Variants in MAPK8IP1 observed in about 807,000 individuals in gnomAD.
MAPK8IP1 encodes mitogen-activated protein kinase 8 interacting protein 1, also known as C-Jun-amino-terminal kinase-interacting protein 1.
A neutral mutation model predicts 72.6 loss-of-function variants in MAPK8IP1; 17 were observed. That is an observed-to-expected ratio of 0.23 (90% CI 0.16 to 0.35). The LOEUF is 0.35. Ranked by LOEUF, MAPK8IP1 falls within the 10% of genes least tolerant of loss-of-function variation. The probability of loss-of-function intolerance (pLI) is 1.00; values close to 1 mark genes in which losing one functional copy is unlikely to be tolerated. For missense variants in MAPK8IP1, 789 were observed against 1,009.7 expected (o/e 0.78, Z 2.96); for synonymous variants, 401 against 443.4 (o/e 0.90, Z 1.20).
chr11:45,904,634 G>A lies in MAPK8IP1; in HGVS notation c.1776+70G>A, dbSNP rs906454932. ...GGCAGAGGGACGCAGGTGTCTAGAG[G>A]CAGTAAAGGGCTCAGGCCCTGGGAC... On this transcript the variant is annotated intron_variant, in intron 8 of 11. Transcript: ENST00000241014. This position sits in a 1 kb window ranked among gnomAD's most constrained non-coding sequence, Gnocchi z 6.4. The A allele has an allele frequency of 5.7e-6, 9 of 1,592,430 alleles. No homozygotes were observed. The highest frequency in any genetic ancestry group is 6.9e-6 in the Non-Finnish European group (8 of 1,160,726).
In MAPK8IP1 at chr11:45,902,532, G is replaced by A. The variant is rs762356637; in HGVS notation, c.765G>A (p.Pro255=). ...CTCCGGGTGGTCCCCCTGCTGCCCCGCCTGGGGGTCGGGGCCACTCGCATC... is the reference window on the plus strand; with the variant it reads ...CTCCGGGTGGTCCCCCTGCTGCCCCACCTGGGGGTCGGGGCCACTCGCATC... ...MAPPGGPPAA[P]PGGRGHSHRD... is the part of the protein sequence containing the mutation. Residue 255 remains proline, a synonymous_variant, in exon 5 of 12, where the codon CCG becomes CCA. Transcript: ENST00000241014. This position sits in a 1 kb window ranked among gnomAD's most constrained non-coding sequence, Gnocchi z 9.3. The A allele has an allele frequency of 8.7e-6, 14 of 1,611,342 alleles. No homozygotes were observed. The highest frequency in any genetic ancestry group is 3.3e-5 in the South Asian group (3 of 90,886).
In MAPK8IP1 at chr11:45,902,902, G is replaced by C. The variant is rs1302152290; in HGVS notation, c.1135G>C (p.Val379Leu). The C allele has an allele frequency of 6.2e-7, 1 of 1,607,724 alleles. No individual in the cohort carries two copies. Among genetic ancestry groups the C allele is most frequent in the Non-Finnish European group, 8.5e-7 (1 of 1,177,564 alleles). ...SDTSALSYDS[V>L]KYTLVVDEHA... ...CACCAGCGCCCTGTCCTATGACTCT[G>C]TCAAGTACACGCTGGTGGTAGATGA... The change falls in exon 5 of 12, where the codon GTC becomes CTC. Residue 379 changes from valine to leucine, a missense_variant. Physicochemically the swap from Val to Leu is conservative, Grantham distance 32. Transcript: ENST00000241014. This position sits in a 1 kb window ranked among gnomAD's most constrained non-coding sequence, Gnocchi z 9.3.
chr11:45,900,419 G>T lies in MAPK8IP1; in HGVS notation c.489G>T (p.Thr163=). The part of the protein sequence containing the change: ...GDTYRPKRPT[T]LNLFPQVPRS... ...CGTACCGGCCCAAGCGGCCCACCAC[G>T]CTCAACCTCTTTCCGCAGGTGCCGC... Residue 163 remains threonine, a synonymous_variant, in exon 3 of 12, where the codon ACG becomes ACT. Coordinates refer to ENST00000241014, the MANE Select transcript of MAPK8IP1 (RefSeq NM_005456.4). The surrounding 1 kb of genome is among the most constrained non-coding windows in gnomAD (Gnocchi z 6.5). 1.3e-6 allele frequency: 2 copies of T among 1,531,894 alleles called. No individual in the cohort carries two copies. Among genetic ancestry groups the T allele is most frequent in the Non-Finnish European group, 1.7e-6 (2 of 1,145,362 alleles). 94.9% of individuals were successfully genotyped at this position (1,531,894 alleles called of 1,614,324 possible).
rs992426248 is a variant in MAPK8IP1 at position 45,885,680 on chromosome 11, C to G, written c.-141C>G. The G allele has an allele frequency of 3.7e-5, 14 of 375,018 alleles. No individual in the cohort carries two copies. Among genetic ancestry groups the G allele is most frequent in the Non-Finnish European group, 5.1e-5 (11 of 217,482 alleles). 23.2% of individuals were successfully genotyped at this position (375,018 alleles called of 1,614,324 possible). On this transcript the variant is annotated 5_prime_UTR_variant, in exon 1 of 12. Coordinates refer to ENST00000241014, the MANE Select transcript of MAPK8IP1 (RefSeq NM_005456.4). ...CCGCGGGCCGTGCGCGGTGCTGTGC[C>G]GCGCCCTGCCAGACACAGGTGCGCC... is the stretch of plus-strand genomic sequence containing the variant.
chr11:45,901,787 G>A (rs554807851), intron 3 of MAPK8IP1, 193 bp from the exon 4 acceptor site: 11 of 714,214 alleles, frequency 1.5e-5, no homozygotes, highest in Non-Finnish European at 2.6e-5. Context: ...ATCCAGAGCC[G>A]GCAAGCCTGG....
At chr11:45,889,834 G>A (rs1429515332) in intron 1 of MAPK8IP1, among the ~76,000 whole-genome samples, 2 of 152,154 alleles carry the variant, frequency 1.3e-5, no homozygotes, top group South Asian at 2.1e-4. Context: ...TGGGGCCACC[G>A]AGAGGCTTCT....
rs1263674325 is a variant in MAPK8IP1 at position 45,903,748 on chromosome 11, A to G, written c.1494-241A>G. Among the ~76,000 whole-genome samples the G allele has an allele frequency of 6.6e-6, 1 of 152,106 alleles. No individual in the cohort carries two copies. Among genetic ancestry groups the G allele is most frequent in the East Asian group, 1.9e-4 (1 of 5,150 alleles). On this transcript the variant is annotated intron_variant, in intron 6 of 11. Coordinates refer to ENST00000241014, the MANE Select transcript of MAPK8IP1 (RefSeq NM_005456.4). The surrounding 1 kb of genome is among the most constrained non-coding windows in gnomAD (Gnocchi z 6.4). ...CTCTAGACAAAAGCCTGCGCTTCCC[A>G]CAGCCTCTCCATTTTAGAGGGGGCC...
At chr11:45,890,219 G>A (rs113048509) in intron 1 of MAPK8IP1, among the ~76,000 whole-genome samples, 94 of 152,264 alleles carry the variant, frequency 6.2e-4, no homozygotes, top group African/African-American at 2.0e-3. Context: ...TGACGATGCC[G>A]ACCTCTTCAC....
intron 1 of MAPK8IP1, among the ~76,000 whole-genome samples, chr11:45,896,229 T>C (rs4755346): frequency 0.63 from 95,552 of 152,130 alleles, 31,182 homozygotes; most frequent in Middle Eastern, 0.75. Context: ...AGGCTCAAGC[T>C]CTGGCTGCAG....
intron 1 of MAPK8IP1, chr11:45,896,752 GAA>G (rs1050573006): frequency 2.6e-5 from 38 of 1,482,432 alleles, no homozygotes; most frequent in Non-Finnish European, 3.0e-5. Flanking sequence ...GCAGGACGCA[GAA>G]AGACAGGCCC....
At chr11:45,890,240 A>T (rs979256786) in intron 1 of MAPK8IP1, among the ~76,000 whole-genome samples, 7 of 152,178 alleles carry the variant, frequency 4.6e-5, no homozygotes, top group African/African-American at 1.4e-4. Context: ...CAACAGCCAG[A>T]GGAGCTGGCA....
chr11:45,885,747 C>T lies in MAPK8IP1; in HGVS notation c.-74C>T. The T allele has an allele frequency of 4.6e-6, 4 of 867,510 alleles. No individual in the cohort carries two copies. The highest frequency in any genetic ancestry group is 8.7e-5 in the Admixed American group (2 of 23,038). 53.7% of individuals were successfully genotyped at this position (867,510 alleles called of 1,614,324 possible). A position where few individuals can be genotyped will look rare whatever the true frequency, so the allele number is the denominator to read the frequency against. On this transcript the variant is annotated 5_prime_UTR_variant, in exon 1 of 12. Coordinates refer to ENST00000241014, the MANE Select transcript of MAPK8IP1 (RefSeq NM_005456.4). ...CGCGGCGGCGGCTGCCCTCTCGCCG[C>T]GCCTCCGCCTCCTTCGCAGCCGCCG...
intron 1 of MAPK8IP1, among the ~76,000 whole-genome samples, chr11:45,892,138 A>G (rs905778822): frequency 6.6e-6 from 1 of 152,162 alleles, no homozygotes; most frequent in Non-Finnish European, 1.5e-5. Flanking sequence ...TTCTGACCCA[A>G]AGAACAAACC....
In MAPK8IP1 at chr11:45,899,422, T is replaced by A. The variant is rs149354203; in HGVS notation, c.208-716T>A. Reference sequence around the variant, plus strand: ...GTGAATACTCAGCTCTCTCAGAGGCTGGGAGGCAGTAGTGTTATCCCCACT... The same window carrying A: ...GTGAATACTCAGCTCTCTCAGAGGCAGGGAGGCAGTAGTGTTATCCCCACT... On this transcript the variant is annotated intron_variant, in intron 2 of 11. Coordinates refer to ENST00000241014, the MANE Select transcript of MAPK8IP1 (RefSeq NM_005456.4). Among the ~76,000 whole-genome samples, 201 of 152,358 alleles carry A rather than the reference T, an allele frequency of 1.3e-3. 2 individuals carry two copies. Among genetic ancestry groups the A allele is most frequent in the African/African-American group, 4.7e-3 (194 of 41,590 alleles).
chr11:45,891,348 G>A (rs1269827611), intron 1 of MAPK8IP1, among the ~76,000 whole-genome samples: 2 of 152,198 alleles, frequency 1.3e-5, no homozygotes, highest in African/African-American at 2.4e-5. Context: ...GCCTTGTTCC[G>A]CCACTGGAGA....
In MAPK8IP1 at chr11:45,896,496, G is replaced by GC. The variant is rs899369894; in HGVS notation, c.102-1589_102-1588insC. 25 of 1,037,162 alleles carry GC rather than the reference G, an allele frequency of 2.4e-5. No individual in the cohort carries two copies. The Admixed American group carries it at 5.0e-4, about 21-fold the overall frequency. 64.2% of individuals were successfully genotyped at this position (1,037,162 alleles called of 1,614,324 possible). On this transcript the variant is annotated intron_variant, in intron 1 of 11. Coordinates refer to ENST00000241014, the MANE Select transcript of MAPK8IP1 (RefSeq NM_005456.4). ...TTACAAGCCTGGGCCAGGGAGGGGG[G>GC]GCCACTCAGCCCCCGACAGGGGCAT...
Position 45,903,865 on chromosome 11 carries a change from C to A in MAPK8IP1, c.1494-124C>A. On this transcript the variant is annotated intron_variant, in intron 6 of 11. Transcript: ENST00000241014. The surrounding 1 kb of genome is among the most constrained non-coding windows in gnomAD (Gnocchi z 6.4). ...CCCCTGGGGTTAGTACTGCAACAGGCACACAGGATGCTTTTGCAAATGTTT... is the reference window on the plus strand; with the variant it reads ...CCCCTGGGGTTAGTACTGCAACAGGAACACAGGATGCTTTTGCAAATGTTT... 1 of 893,232 alleles carries A rather than the reference C, an allele frequency of 1.1e-6. No individual in the cohort carries two copies. The highest frequency in any genetic ancestry group is 1.9e-6 in the Non-Finnish European group (1 of 539,684). 55.3% of individuals were successfully genotyped at this position (893,232 alleles called of 1,614,324 possible).
chr11:45,892,955 C>T (rs975998361), intron 1 of MAPK8IP1, among the ~76,000 whole-genome samples: 2 of 152,162 alleles, frequency 1.3e-5, no homozygotes, highest in Middle Eastern at 3.2e-3. Context: ...GAGCCAGCTT[C>T]GTTCTCAGCA....
In MAPK8IP1 at chr11:45,902,732, C is replaced by T. The variant is rs34420676; in HGVS notation, c.965C>T (p.Ala322Val). Residue 322 changes from alanine to valine, a missense_variant, in exon 5 of 12, where the codon GCA becomes GTA. This residue lies in a region of MAPK8IP1 where 377 missense variants were observed against 411.7 expected (regional missense o/e 0.92). Transcript: ENST00000241014. The surrounding 1 kb of genome is among the most constrained non-coding windows in gnomAD (Gnocchi z 9.3). ...DPDPAAYPST[A>V]GRPHPSISEE... is the part of the protein sequence containing the mutation. ...GACCCTGCCGCCTACCCCTCCACGG[C>T]AGGGCGGCCGCACCCCTCCATCAGT... 1.1e-3 allele frequency: 1,697 copies of T among 1,606,122 alleles called. 8 individuals are homozygous for T. The African/African-American group carries it at 0.015, about 14-fold the overall frequency.
Sources: gnomAD v4.1 joint callset for allele counts (sites outside exome capture counted in the v4.1 genomes callset) on GRCh38, gnomAD v4.1.1 for gene constraint, gnomAD v4.1.1 regional missense constraint, Gnocchi (gnomAD v3.1) non-coding constraint, MANE v1.5 for transcripts, NCBI Gene and HGNC (gene_info 2026-07-23, HGNC 2026-07-21) for gene names.